VPS13A: variants seen among roughly 807,000 people sequenced by gnomAD.
VPS13A encodes the protein vacuolar protein sorting 13 homolog A.
VPS13A carries 264 observed loss-of-function variants against 390.9 expected under a neutral mutation model. The observed-to-expected ratio is 0.68, with a 90% CI of 0.61 to 0.75. The LOEUF is 0.75. Among genes scored for constraint, VPS13A ranks in the 30% least tolerant of loss-of-function variants. The pLI is 0.00. For missense variants in VPS13A, 3,409 were observed against 3,733.9 expected (o/e 0.91, Z 2.27); for synonymous variants, 1,231 against 1,227.1 (o/e 1.00, Z -0.07).
chr9:77,209,643 G>A, intron 6 of VPS13A, 111 bp downstream of exon 6: 1 of 707,190 alleles, frequency 1.4e-6, no homozygotes, highest in Non-Finnish European at 2.4e-6. Flanking sequence ...AAAGGTTACA[G>A]AGCTAAAGAT....
At chr9:77,344,904 C>T in intron 51 of VPS13A, 105 bp from the exon 52 acceptor site, 1 of 1,336,514 alleles carries the variant, frequency 7.5e-7, no homozygotes, top group Non-Finnish European at 1.0e-6. Context: ...TCAGTCATCC[C>T]AAAAATTAAA....
At position 77,416,977 on chromosome 9, in the gene VPS13A, T is replaced by A. The variant is rs1196666857; in HGVS notation, c.*971T>A. On this transcript the variant is annotated 3_prime_UTR_variant, in exon 72 of 72. Transcript: ENST00000360280. ...TTGCCAATAGATTGAGAATTTCTGGTTTGCTTACTCTACAGTTATTCAAAT... is the reference window on the plus strand; with the variant it reads ...TTGCCAATAGATTGAGAATTTCTGGATTGCTTACTCTACAGTTATTCAAAT... 1 of 152,566 alleles carries A rather than the reference T, an allele frequency of 6.6e-6. No homozygotes were observed. The highest frequency in any genetic ancestry group is 1.5e-5 in the Non-Finnish European group (1 of 68,020). The allele number at this position is 152,566 out of a possible 1,614,324, so 9.5% of individuals were successfully genotyped here. A position where few individuals can be genotyped will look rare whatever the true frequency, so the allele number is the denominator to read the frequency against.
intron 26 of VPS13A, among the ~76,000 whole-genome samples, chr9:77,277,525 C>T (rs1038593573): frequency 6.6e-6 from 1 of 152,156 alleles, no homozygotes; most frequent in Non-Finnish European, 1.5e-5. Flanking sequence ...TCTACCATTA[C>T]CTTCTCATGT....
At chr9:77,288,496 C>T (rs1051956734) in intron 31 of VPS13A, among the ~76,000 whole-genome samples, 2 of 152,096 alleles carry the variant, frequency 1.3e-5, no homozygotes, top group African/African-American at 4.8e-5. Flanking sequence ...AAAGTATTTT[C>T]TAATTTCTCT....
Position 77,279,959 on chromosome 9 carries a change from G to A in VPS13A, c.2825-200G>A. On this transcript the variant is annotated intron_variant, in intron 26 of 71. Transcript: ENST00000360280. ...ACTTCAGTGTTGTGGCACATGAGGA[G>A]GTAAGGGAATTGTGAGGAGAAATTA... The A allele has an allele frequency of 6.8e-6, 3 of 438,156 alleles. No individual in the cohort carries two copies. The East Asian group carries it at 1.4e-4, about 20-fold the overall frequency. The allele number at this position is 438,156 out of a possible 1,614,324, so 27.1% of individuals were successfully genotyped here.
At chr9:77,410,417 A>T (rs531808171) in intron 71 of VPS13A, among the ~76,000 whole-genome samples, 10 of 152,048 alleles carry the variant, frequency 6.6e-5, no homozygotes, top group Non-Finnish European at 1.3e-4. Flanking sequence ...CTAACATCAT[A>T]ATGACAGGAT....
chr9:77,344,838 C>CA (rs1831060167), intron 51 of VPS13A, among the ~76,000 whole-genome samples, 171 bp from the exon 52 acceptor site: 1 of 151,864 alleles, frequency 6.6e-6, no homozygotes, highest in Admixed American at 6.6e-5. Flanking sequence ...ATCTGTAATA[C>CA]AGTGATTGAG....
Position 77,295,534 on chromosome 9 carries a change from T to A in VPS13A, c.3508-8T>A, listed in dbSNP as rs376751858. 5 of 1,594,692 alleles carry A rather than the reference T, an allele frequency of 3.1e-6. No individual in the cohort carries two copies. The Admixed American group carries it at 6.9e-5, about 22-fold the overall frequency. Reference sequence around the variant, plus strand: ...TAACCTTAAGAATATAATTCTGTTATCTTACAGGCTTTTATAGATAATTTT... The same window carrying A: ...TAACCTTAAGAATATAATTCTGTTAACTTACAGGCTTTTATAGATAATTTT... On this transcript the variant is annotated splice_polypyrimidine_tract_variant and splice_region_variant and intron_variant, in intron 32 of 71. Coordinates refer to ENST00000360280, the MANE Select transcript of VPS13A (RefSeq NM_033305.3).
In VPS13A at chr9:77,321,678, G is replaced by A. The variant is rs145524733; in HGVS notation, c.5762G>A (p.Arg1921Gln). The part of the protein sequence containing the change: ...NGESLSMDYI[R>Q]TKDNDHFNAM... The stretch of plus-strand genomic sequence containing the variant: ...GAAAGTTTAAGTATGGATTATATCC[G>A]AACCAAGGACAATGATCATTTCAAT... Residue 1921 changes from arginine to glutamine, a missense_variant, in exon 44 of 72, where the codon CGA becomes CAA. Transcript: ENST00000360280. 26 of 1,613,130 alleles carry A rather than the reference G, an allele frequency of 1.6e-5. 2 individuals carry two copies. In the South Asian group the frequency reaches 2.0e-4, roughly 12 times the overall value.
chr9:77,243,251 G>T (rs999610090), intron 19 of VPS13A, among the ~76,000 whole-genome samples: 28 of 152,154 alleles, frequency 1.8e-4, no homozygotes, highest in African/African-American at 5.3e-4. Flanking sequence ...AGATTTCTTC[G>T]GATATTGGAA....
intron 22 of VPS13A, among the ~76,000 whole-genome samples, chr9:77,256,737 T>G (rs1202495693): frequency 6.6e-6 from 1 of 152,236 alleles, no homozygotes; most frequent in Non-Finnish European, 1.5e-5. Flanking sequence ...ATTATCATTA[T>G]GTAATGTCCT....
chr9:77,354,409 A>G (rs982131225), intron 54 of VPS13A, among the ~76,000 whole-genome samples: 1 of 152,084 alleles, frequency 6.6e-6, no homozygotes, highest in African/African-American at 2.4e-5. Context: ...TGTTTTTACT[A>G]TTTAAATAGA....
intron 11 of VPS13A, 28 bp from the exon 12 acceptor site, chr9:77,220,249 T>A: frequency 6.3e-7 from 1 of 1,587,352 alleles, no homozygotes; most frequent in Non-Finnish European, 8.6e-7. Context: ...TGTGATACAT[T>A]TAAGAGCTTT....
At chr9:77,363,449 T>C (rs974632994) in intron 59 of VPS13A, among the ~76,000 whole-genome samples, 2 of 142,368 alleles carry the variant, frequency 1.4e-5, no homozygotes, top group African/African-American at 5.1e-5. Flanking sequence ...TCTCCCAGGC[T>C]GGAGTGCAAT....
chr9:77,262,592 C>T (rs1262287811), intron 23 of VPS13A, among the ~76,000 whole-genome samples: 2 of 151,960 alleles, frequency 1.3e-5, no homozygotes, highest in Admixed American at 6.5e-5. Context: ...TAGCCCCCGA[C>T]CCCTCGACAG....
chr9:77,208,163 G>A (rs1380292839), intron 5 of VPS13A, among the ~76,000 whole-genome samples: 2 of 152,164 alleles, frequency 1.3e-5, no homozygotes, highest in East Asian at 1.9e-4. Flanking sequence ...TTAGGTAGTG[G>A]TGAGAGTCAA....
chr9:77,343,311 C>G (rs1381436259), intron 50 of VPS13A, among the ~76,000 whole-genome samples: 1 of 152,174 alleles, frequency 6.6e-6, no homozygotes, highest in Non-Finnish European at 1.5e-5. Context: ...TCCATTAATT[C>G]CATTTTATGG....
chr9:77,388,239 T>A (rs546361764), intron 68 of VPS13A, among the ~76,000 whole-genome samples: 8 of 152,288 alleles, frequency 5.3e-5, no homozygotes, highest in Non-Finnish European at 1.0e-4. Context: ...ACACTGTTAA[T>A]TTAATCATTA....
At chr9:77,410,743 ACTAT>A (rs1268849034) in intron 71 of VPS13A, among the ~76,000 whole-genome samples, 1 of 152,200 alleles carries the variant, frequency 6.6e-6, no homozygotes. Context: ...AGAAGAGCTA[ACTAT>A]CCTAAATATA....
Sources: gnomAD v4.1 joint callset for allele counts (sites outside exome capture counted in the v4.1 genomes callset) on GRCh38, gnomAD v4.1.1 for gene constraint, MANE v1.5 for transcripts, NCBI Gene and HGNC (gene_info 2026-07-23, HGNC 2026-07-21) for gene names.